Variants in EVI5 observed in about 807,000 individuals in gnomAD.
The protein encoded by EVI5 is ecotropic viral integration site 5.
EVI5 carries 73 observed loss-of-function variants against 112.0 expected under a neutral mutation model. The observed-to-expected ratio is 0.65, with a 90% CI of 0.54 to 0.79. The LOEUF is 0.79. EVI5 is among the 30% of genes least tolerant of loss of function. The pLI, the probability that EVI5 is intolerant of heterozygous loss-of-function variation, is 0.00. For synonymous variants in EVI5, 305 were observed against 319.9 expected, an observed-to-expected ratio of 0.95 and a Z score of 0.50; for missense variants, 900 against 968.8, an observed-to-expected ratio of 0.93 and a Z score of 0.94.
At chr1:92,721,378 G>A (rs1674727060) in intron 2 of EVI5, among the ~76,000 whole-genome samples, 2 of 152,148 alleles carry the variant, frequency 1.3e-5, no homozygotes, top group Admixed American at 1.3e-4. Flanking sequence ...TACTTTGTAG[G>A]GACATGGATA....
At position 92,605,868 on chromosome 1, in the gene EVI5, T is replaced by G. The variant is rs542314623; in HGVS notation, c.1975-466A>C. ...TATAAATTAATCATAAGCTATAATA[T>G]TATAATACTAAATGAAAATGAATCA... On this transcript the variant is annotated intron_variant, in intron 17 of 19. Coordinates refer to ENST00000684568, the MANE Select transcript of EVI5 (RefSeq NM_001350197.2). Among the ~76,000 whole-genome samples, 195 of 152,260 alleles carry G rather than the reference T, an allele frequency of 1.3e-3. 1 individual carries two copies. Among genetic ancestry groups the G allele is most frequent in the African/African-American group, 4.6e-3 (192 of 41,552 alleles).
At chr1:92,709,342 A>G (rs1050454540) in intron 2 of EVI5, among the ~76,000 whole-genome samples, 8 of 152,204 alleles carry the variant, frequency 5.3e-5, no homozygotes, top group African/African-American at 1.9e-4. Context: ...CATATTATTC[A>G]TCAATTTTTA....
chr1:92,643,627 G>A (rs142010830), intron 13 of EVI5, among the ~76,000 whole-genome samples: 2 of 152,176 alleles, frequency 1.3e-5, no homozygotes, highest in East Asian at 1.9e-4. Flanking sequence ...AAGTGCCAGC[G>A]TAAAATGGAA....
chr1:92,675,824 C>G (rs759244346), intron 10 of EVI5, among the ~76,000 whole-genome samples: 2 of 151,466 alleles, frequency 1.3e-5, no homozygotes, highest in Non-Finnish European at 2.9e-5. Flanking sequence ...GGCTTGGTGG[C>G]GGGCGCCTGT....
chr1:92,703,227 T>C (rs577143680), intron 4 of EVI5, among the ~76,000 whole-genome samples, 168 bp downstream of exon 4: 3 of 152,170 alleles, frequency 2.0e-5, no homozygotes, highest in African/African-American at 7.2e-5. Flanking sequence ...TTCTCTATAC[T>C]AGATAGTAAT....
upstream of EVI5, among the ~76,000 whole-genome samples, chr1:92,788,811 CAA>C (rs1025691917): frequency 6.6e-6 from 1 of 151,418 alleles, no homozygotes; most frequent in Non-Finnish European, 1.5e-5. Flanking sequence ...ACAACAACAA[CAA>C]AAAAAACCCC....
At chr1:92,635,946 T>A (rs1231410047) in intron 14 of EVI5, among the ~76,000 whole-genome samples, 1 of 152,194 alleles carries the variant, frequency 6.6e-6, no homozygotes, top group African/African-American at 2.4e-5. Flanking sequence ...TTTATGAAAA[T>A]TATTCTGGTC....
At chr1:92,779,707 G>A (rs966251800) in intron 1 of EVI5, among the ~76,000 whole-genome samples, 1 of 151,986 alleles carries the variant, frequency 6.6e-6, no homozygotes, top group African/African-American at 2.4e-5. Flanking sequence ...GCCTATTCTG[G>A]CTCAGAAGAA....
intron 18 of EVI5, among the ~76,000 whole-genome samples, chr1:92,572,522 G>T (rs965077575): frequency 1.3e-5 from 2 of 152,086 alleles, no homozygotes; most frequent in African/African-American, 4.8e-5. Flanking sequence ...TATATGAAAA[G>T]ATATAAGTCC....
chr1:92,770,823 G>GT (rs1159350874), intron 1 of EVI5, among the ~76,000 whole-genome samples: 1 of 151,560 alleles, frequency 6.6e-6, no homozygotes, highest in Non-Finnish European at 1.5e-5. Context: ...AAAAGTCTGG[G>GT]TTTTTTTGTT....
chr1:92,780,701 G>A (rs886816784), intron 1 of EVI5, among the ~76,000 whole-genome samples: 12 of 152,120 alleles, frequency 7.9e-5, no homozygotes, highest in South Asian at 2.1e-4. Context: ...TCAAACAGAC[G>A]TCTATATAGA....
chr1:92,756,428 T>C (rs1044862121), intron 1 of EVI5: 8 of 539,412 alleles, frequency 1.5e-5, no homozygotes, highest in Non-Finnish European at 3.0e-5. Context: ...AGCTGCTACA[T>C]GTATGGCTTC....
intron 2 of EVI5, chr1:92,732,282 C>T (rs1676607817): frequency 6.2e-5 from 23 of 373,256 alleles, no homozygotes; most frequent in South Asian, 5.7e-4. Flanking sequence ...CATCATCAGT[C>T]AGATCACAAG....
chr1:92,539,542 CAAAA>C (rs1209654037), intron 19 of EVI5, among the ~76,000 whole-genome samples: 1 of 16,816 alleles, frequency 5.9e-5, no homozygotes, highest in Non-Finnish European at 1.0e-4. Flanking sequence ...GACTCCATCT[CAAAA>C]AAAAAAAAAA....
chr1:92,792,120 A>G (rs11164813), intron 1 of EVI5, among the ~76,000 whole-genome samples: 138,565 of 152,288 alleles, frequency 0.91, 63,116 homozygotes, highest in South Asian at 0.97. Flanking sequence ...CAGGTATGGA[A>G]TTAAACCTAA....
At chr1:92,638,328 T>G (rs1288884583) in intron 13 of EVI5, among the ~76,000 whole-genome samples, 3 of 152,188 alleles carry the variant, frequency 2.0e-5, no homozygotes, top group Non-Finnish European at 4.4e-5. Flanking sequence ...AATATATATC[T>G]TATGCTTTTT....
intron 1 of EVI5, among the ~76,000 whole-genome samples, chr1:92,749,662 A>C (rs1192297134): frequency 2.0e-5 from 3 of 152,166 alleles, no homozygotes; most frequent in Non-Finnish European, 4.4e-5. Context: ...TAACTACTGA[A>C]TATGAGTATT....
rs560093588 is a variant in EVI5, at chr1:92,642,358, T to C, written c.1393-6022A>G. ...ATAATCACATACGAATGTAAAACAT[T>C]TTATCTTTAGACTAAGGTCAAAATT... On this transcript the variant is annotated intron_variant, in intron 13 of 19. Coordinates refer to ENST00000684568, the MANE Select transcript of EVI5 (RefSeq NM_001350197.2). Among the ~76,000 whole-genome samples, 7 of 152,280 alleles carry C rather than the reference T, an allele frequency of 4.6e-5. No individual in the cohort carries two copies. In the South Asian group the frequency reaches 1.4e-3, roughly 32 times the overall value.
At chr1:92,730,858 A>G (rs554323262) in intron 2 of EVI5, among the ~76,000 whole-genome samples, 1 of 152,300 alleles carries the variant, frequency 6.6e-6, no homozygotes, top group Non-Finnish European at 1.5e-5. Context: ...GCAATGGTCA[A>G]GAAAATAAAT....
Sources: allele counts gnomAD v4.1 joint callset (sites outside exome capture counted in the v4.1 genomes callset), GRCh38; gene constraint gnomAD v4.1.1; transcripts MANE v1.5; gene names NCBI Gene and HGNC (gene_info 2026-07-23, HGNC 2026-07-21).